Variants in TRAPPC12 observed in about 807,000 individuals in gnomAD.
The protein encoded by TRAPPC12 is trafficking protein particle complex subunit 12, also known as TPR repeat protein 15.
In TRAPPC12, 61 loss-of-function variants were observed where a neutral mutation model predicts 69.2. That is an observed-to-expected ratio of 0.88 (90% CI 0.72 to 1.09). The LOEUF (loss-of-function observed/expected upper bound fraction) is 1.09, where lower values mean the gene tolerates loss of function less well. Ranked by LOEUF, TRAPPC12 falls within the 50% of genes least tolerant of loss-of-function variation. The probability of loss-of-function intolerance (pLI) is 0.00; values close to 1 mark genes in which losing one functional copy is unlikely to be tolerated. For missense variants in TRAPPC12, 1,101 were observed against 1,016.4 expected (o/e 1.08, Z -1.13); for synonymous variants, 469 against 438.9 (o/e 1.07, Z -0.86).
chr2:3,401,560 A>G, intron 2 of TRAPPC12, among the ~76,000 whole-genome samples: 1 of 152,372 alleles, frequency 6.6e-6, no homozygotes, highest in South Asian at 2.1e-4. Context: ...AATTTTTAAA[A>G]TAAAAAGAAT....
chr2:3,454,228 T>A (rs1377458997), intron 6 of TRAPPC12, among the ~76,000 whole-genome samples: 1 of 152,134 alleles, frequency 6.6e-6, no homozygotes, highest in East Asian at 1.9e-4. Flanking sequence ...GCCTGCCTGG[T>A]GTCTCCGTGT....
At chr2:3,416,542 CT>C (rs1461025146) in intron 3 of TRAPPC12, among the ~76,000 whole-genome samples, 2 of 116,986 alleles carry the variant, frequency 1.7e-5, no homozygotes, top group African/African-American at 6.7e-5. Context: ...TGCCCTCCCC[CT>C]GCCTCTTCAC....
Position 3,406,208 on chromosome 2 carries a change from T to A in TRAPPC12, c.1164+4315T>A, listed in dbSNP as rs537374324. Among the ~76,000 whole-genome samples the A allele has an allele frequency of 4.6e-5, 7 of 152,202 alleles. No individual in the cohort carries two copies. In the South Asian group the frequency reaches 1.5e-3, roughly 32 times the overall value. On this transcript the variant is annotated intron_variant, in intron 3 of 11. Coordinates refer to ENST00000324266, the MANE Select transcript of TRAPPC12 (RefSeq NM_016030.6). ...TGGTCACGCAACATACACACACAGGTCTGTACTCATTAACTCGGAGTAAGC... is the reference window on the plus strand; with the variant it reads ...TGGTCACGCAACATACACACACAGGACTGTACTCATTAACTCGGAGTAAGC...
At chr2:3,404,886 G>A (rs1475378635) in intron 3 of TRAPPC12, among the ~76,000 whole-genome samples, 1 of 151,262 alleles carries the variant, frequency 6.6e-6, no homozygotes, top group Non-Finnish European at 1.5e-5. Flanking sequence ...GGGCGGTTAC[G>A]GGGGAGGGGG....
chr2:3,464,675 A>G (rs1212911751), intron 8 of TRAPPC12, among the ~76,000 whole-genome samples: 1 of 152,228 alleles, frequency 6.6e-6, no homozygotes, highest in Non-Finnish European at 1.5e-5. Flanking sequence ...GTCATCCTGG[A>G]GAGAGCCCGG....
At chr2:3,383,143 G>A (rs1161128135) in intron 1 of TRAPPC12, among the ~76,000 whole-genome samples, 1 of 151,938 alleles carries the variant, frequency 6.6e-6, no homozygotes, top group Admixed American at 6.6e-5. Flanking sequence ...CATTTAGTGT[G>A]CTTTTATTAA....
intron 1 of TRAPPC12, among the ~76,000 whole-genome samples, chr2:3,382,130 C>CT (rs70938942): frequency 0.057 from 5,316 of 93,508 alleles, 284 homozygotes; most frequent in African/African-American, 0.096. Context: ...TTTATTTCCA[C>CT]TTTTTTTTTT....
intron 3 of TRAPPC12, 55 bp downstream of exon 3, chr2:3,401,948 T>G: frequency 8.7e-7 from 1 of 1,153,818 alleles, no homozygotes; most frequent in South Asian, 1.7e-5. Context: ...CCTGCCTGCC[T>G]TCATAATATT....
intron 3 of TRAPPC12, among the ~76,000 whole-genome samples, chr2:3,412,156 T>C (rs1336712623): frequency 6.6e-6 from 1 of 152,200 alleles, no homozygotes; most frequent in African/African-American, 2.4e-5. Flanking sequence ...AGAAATGCTT[T>C]TAGAAATTAA....
At chr2:3,403,700 G>A (rs1661579396) in intron 3 of TRAPPC12, among the ~76,000 whole-genome samples, 3 of 152,206 alleles carry the variant, frequency 2.0e-5, no homozygotes, top group South Asian at 2.1e-4. Flanking sequence ...GGAGTAGCGC[G>A]TGGCTCAGTC....
In TRAPPC12 at chr2:3,442,396, G is replaced by A. The variant is rs576869366; in HGVS notation, c.1418-1383G>A. ...ACGTGGCTTACATATAACTTACCAT[G>A]TTGGGCCGGTTCCACAGTGACATGA... On this transcript the variant is annotated intron_variant, in intron 5 of 11. Coordinates refer to ENST00000324266, the MANE Select transcript of TRAPPC12 (RefSeq NM_016030.6). 2.3e-4 allele frequency among the ~76,000 whole-genome samples: 35 copies of A among 152,304 alleles called. No individual in the cohort carries two copies. The Middle Eastern group carries it at 0.01, about 44-fold the overall frequency.
chr2:3,442,391 A>G (rs1664269311), intron 5 of TRAPPC12, among the ~76,000 whole-genome samples: 1 of 152,164 alleles, frequency 6.6e-6, no homozygotes, highest in Admixed American at 6.5e-5. Flanking sequence ...CATATAACTT[A>G]CCATGTTGGG....
chr2:3,453,732 C>A (rs915346554), intron 6 of TRAPPC12, among the ~76,000 whole-genome samples: 1 of 152,174 alleles, frequency 6.6e-6, no homozygotes, highest in East Asian at 1.9e-4. Flanking sequence ...GGAGGAAATT[C>A]CAGCCGCACC....
chr2:3,411,597 CT>C (rs1417490708), intron 3 of TRAPPC12, among the ~76,000 whole-genome samples: 1 of 152,152 alleles, frequency 6.6e-6, no homozygotes, highest in East Asian at 1.9e-4. Context: ...TGTATATATG[CT>C]TAGGCACAAA....
chr2:3,401,954 A>G (rs1572101655), intron 3 of TRAPPC12, 61 bp downstream of exon 3: 2 of 1,130,728 alleles, frequency 1.8e-6, no homozygotes, highest in Middle Eastern at 2.1e-4. Context: ...TGCCTTCATA[A>G]TATTTTCTCT....
chr2:3,429,045 G>A (rs982113289), intron 5 of TRAPPC12, among the ~76,000 whole-genome samples: 4 of 152,196 alleles, frequency 2.6e-5, no homozygotes, highest in Admixed American at 6.5e-5. Context: ...GGCTGCAAGC[G>A]GGAGAGGTGG....
At chr2:3,464,072 G>A (rs955981100) in intron 8 of TRAPPC12, among the ~76,000 whole-genome samples, 3 of 152,046 alleles carry the variant, frequency 2.0e-5, no homozygotes, top group Admixed American at 6.6e-5. Flanking sequence ...AACCTCAGCC[G>A]CCCCGAGTGC....
chr2:3,456,962 C>T (rs1328357746), intron 6 of TRAPPC12: 2 of 389,546 alleles, frequency 5.1e-6, no homozygotes, highest in Non-Finnish European at 1.0e-5. Context: ...TCAAGAACAT[C>T]ATAAACACCA....
At chr2:3,470,210 G>A (rs866065334) in intron 9 of TRAPPC12, among the ~76,000 whole-genome samples, 32 of 152,232 alleles carry the variant, frequency 2.1e-4, no homozygotes, top group Admixed American at 1.4e-3. Flanking sequence ...GTGGTTTTCC[G>A]GGTCAACCCT....
Sources: gnomAD v4.1 joint callset for allele counts (sites outside exome capture counted in the v4.1 genomes callset) on GRCh38, gnomAD v4.1.1 for gene constraint, MANE v1.5 for transcripts, NCBI Gene and HGNC (gene_info 2026-07-23, HGNC 2026-07-21) for gene names.